The following ATXN1 variants were observed in gnomAD, a reference collection of about 807,000 sequenced individuals.
ATXN1 encodes ataxin-1.
A neutral mutation model predicts 56.4 loss-of-function variants in ATXN1; 8 were observed. That is an observed-to-expected ratio of 0.14 (90% confidence interval 0.08 to 0.26). The LOEUF (loss-of-function observed/expected upper bound fraction) is 0.26. Among genes scored for constraint, ATXN1 ranks in the 10% least tolerant of loss-of-function variants. The pLI, the probability that ATXN1 is intolerant of heterozygous loss-of-function variation, is 1.00. For synonymous variants in ATXN1, 514 were observed against 494.6 expected, an observed-to-expected ratio of 1.04 and a Z score of -0.52; for missense variants, 987 against 1,106.5, an observed-to-expected ratio of 0.89 and a Z score of 1.53.
At chr6:16,589,613 G>A (rs1370029245) in intron 3 of ATXN1, among the ~76,000 whole-genome samples, 1 of 152,072 alleles carries the variant, frequency 6.6e-6, no homozygotes, top group Non-Finnish European at 1.5e-5. Context: ...CTACCTCACA[G>A]GGTTGTTACG....
At chr6:16,625,822 A>G (rs754658814) in intron 3 of ATXN1, among the ~76,000 whole-genome samples, 1 of 152,146 alleles carries the variant, frequency 6.6e-6, no homozygotes, top group African/African-American at 2.4e-5. Flanking sequence ...ATGAAAAAAC[A>G]TATTTGGAAT....
chr6:16,472,416 A>C (rs2113640510), intron 6 of ATXN1, among the ~76,000 whole-genome samples: 1 of 152,352 alleles, frequency 6.6e-6, no homozygotes, highest in East Asian at 1.9e-4. Flanking sequence ...TGGAAGCCAG[A>C]CCAGATTGAA....
At chr6:16,682,971 T>C (rs3812196) in intron 2 of ATXN1, among the ~76,000 whole-genome samples, 47,612 of 152,094 alleles carry the variant, frequency 0.31, 7,789 homozygotes, top group African/African-American at 0.42. Context: ...GCTACCAACA[T>C]GGGTCAGGAA....
intron 6 of ATXN1, among the ~76,000 whole-genome samples, chr6:16,374,250 A>G (rs1443438897): frequency 2.0e-5 from 3 of 152,208 alleles, no homozygotes; most frequent in Non-Finnish European, 4.4e-5. Flanking sequence ...TATTCAGTTA[A>G]GTGCAAAAAT....
intron 4 of ATXN1, among the ~76,000 whole-genome samples, chr6:16,557,878 AC>A (rs1188531507): frequency 2.3e-4 from 35 of 152,226 alleles, no homozygotes; most frequent in African/African-American, 6.5e-4. Flanking sequence ...ATGAGAAAGA[AC>A]CTTGAAAACA....
At chr6:16,451,645 C>T (rs1191182028) in intron 6 of ATXN1, among the ~76,000 whole-genome samples, 4 of 152,162 alleles carry the variant, frequency 2.6e-5, no homozygotes, top group African/African-American at 7.2e-5. Flanking sequence ...ATCCCAGCTA[C>T]TCAGAAGGCT....
intron 3 of ATXN1, among the ~76,000 whole-genome samples, chr6:16,620,451 T>G (rs1763299647): frequency 6.6e-6 from 1 of 151,994 alleles, no homozygotes; most frequent in Non-Finnish European, 1.5e-5. Flanking sequence ...GGTTGTTTCC[T>G]TAGGACAAAT....
At chr6:16,572,453 T>A (rs547269605) in intron 4 of ATXN1, among the ~76,000 whole-genome samples, 2 of 152,302 alleles carry the variant, frequency 1.3e-5, no homozygotes, top group African/African-American at 4.8e-5. Context: ...GTTCTGCCCC[T>A]GAACCGCAAG....
At chr6:16,531,747 C>G (rs1468009084) in intron 4 of ATXN1, among the ~76,000 whole-genome samples, 1 of 151,820 alleles carries the variant, frequency 6.6e-6, no homozygotes, top group African/African-American at 2.4e-5. Flanking sequence ...GCAAAGAACA[C>G]AGCTCTGGAC....
chr6:16,319,469 C>T (rs903558851), intron 7 of ATXN1, among the ~76,000 whole-genome samples: 2 of 152,068 alleles, frequency 1.3e-5, no homozygotes, highest in African/African-American at 4.8e-5. Context: ...ATAGTTGATG[C>T]ATAAGGGATT....
intron 2 of ATXN1, among the ~76,000 whole-genome samples, chr6:16,722,707 G>C (rs992067845): frequency 6.6e-6 from 1 of 152,200 alleles, no homozygotes; most frequent in Non-Finnish European, 1.5e-5. Flanking sequence ...AATCAAACCT[G>C]AGTCTCTATT....
intron 4 of ATXN1, among the ~76,000 whole-genome samples, chr6:16,554,746 G>A (rs190846495): frequency 2.4e-4 from 37 of 152,116 alleles, no homozygotes; most frequent in Admixed American, 2.3e-3. Context: ...ATGCCACCAC[G>A]CCCGGCTAAT....
chr6:16,435,080 G>A (rs1238103246), intron 6 of ATXN1, among the ~76,000 whole-genome samples: 2 of 152,176 alleles, frequency 1.3e-5, no homozygotes, highest in South Asian at 2.1e-4. Flanking sequence ...ATGCTTCAAG[G>A]AGGACTTTTA....
chr6:16,606,888 T>TGTGTGTGTG (rs145108851), intron 3 of ATXN1, among the ~76,000 whole-genome samples: 11 of 147,028 alleles, frequency 7.5e-5, no homozygotes, highest in Non-Finnish European at 1.2e-4. Context: ...TGTGTGTGTG[T>TGTGTGTGTG]TGTTTGTTTG....
intron 2 of ATXN1, among the ~76,000 whole-genome samples, chr6:16,722,960 T>C (rs1271978682): frequency 1.3e-5 from 2 of 152,240 alleles, no homozygotes; most frequent in Non-Finnish European, 2.9e-5. Context: ...AGAAGTATTT[T>C]CTACCAAAGA....
At chr6:16,576,727 T>G (rs573065815) in intron 4 of ATXN1, among the ~76,000 whole-genome samples, 1 of 152,230 alleles carries the variant, frequency 6.6e-6, no homozygotes, top group African/African-American at 2.4e-5. Flanking sequence ...TCTTTGTGTA[T>G]CTGCCCAAAT....
intron 1 of ATXN1, among the ~76,000 whole-genome samples, chr6:16,756,336 A>G (rs773413171): frequency 1.5e-4 from 23 of 152,148 alleles, no homozygotes; most frequent in Admixed American, 1.3e-3. Flanking sequence ...TTGAATGAGT[A>G]CATTTATTTT....
chr6:16,460,922 T>A (rs1446441865), intron 6 of ATXN1, among the ~76,000 whole-genome samples: 1 of 152,246 alleles, frequency 6.6e-6, no homozygotes, highest in African/African-American at 2.4e-5. Context: ...AGTATGCTTA[T>A]CTAATCCTAC....
intron 2 of ATXN1, among the ~76,000 whole-genome samples, chr6:16,709,699 G>A (rs962484185): frequency 8.6e-5 from 13 of 152,038 alleles, no homozygotes; most frequent in African/African-American, 3.1e-4. Flanking sequence ...AGGACTCCAC[G>A]AATACATTTT....
Sources: allele counts gnomAD v4.1 joint callset (sites outside exome capture counted in the v4.1 genomes callset), GRCh38; gene constraint gnomAD v4.1.1; transcripts MANE v1.5; gene names NCBI Gene and HGNC (gene_info 2026-07-23, HGNC 2026-07-21).